Variants in RAB4B observed in about 807,000 individuals in gnomAD.
The protein encoded by RAB4B is RAB4B, member RAS oncogene family.
In RAB4B, 15 loss-of-function variants were observed where a neutral mutation model predicts 28.3. The ratio of observed to expected loss-of-function variants is 0.53; its 90% CI spans 0.35 to 0.82. The LOEUF (loss-of-function observed/expected upper bound fraction) is 0.82. Ranked by LOEUF, RAB4B falls within the 40% of genes least tolerant of loss-of-function variation. RAB4B has a pLI of 0.01. For missense variants in RAB4B, 244 were observed against 288.5 expected, an observed-to-expected ratio of 0.85 and a Z score of 1.12; for synonymous variants, 108 against 116.3, an observed-to-expected ratio of 0.93 and a Z score of 0.46.
intron 3 of RAB4B, among the ~76,000 whole-genome samples, chr19:40,781,312 GAATAAATAAATAAATAAATA>G (rs769534052): frequency 5.7e-4 from 83 of 144,426 alleles, no homozygotes; most frequent in African/African-American, 2.0e-3. Flanking sequence ...ATAAATAAAT[GAATAAATAAATAAATAAATA>G]AATAAATAAA....
rs1307645510 is a variant in RAB4B, at chr19:40,784,083, C to T, written c.430+8C>T. ...GCTTTGCCCAGGAGAATGGTGAGGG[C>T]TGTGTCGTGGACCAGGTGGTGGTGG... is the stretch of plus-strand genomic sequence containing the variant. On this transcript the variant is annotated splice_region_variant and intron_variant, in intron 5 of 7. Coordinates refer to ENST00000357052, the MANE Select transcript of RAB4B (RefSeq NM_016154.5). 1.2e-6 allele frequency: 2 copies of T among 1,601,152 alleles called. No individual in the cohort carries two copies. The highest frequency in any genetic ancestry group is 3.4e-5 in the Admixed American group (2 of 59,378).
intron 5 of RAB4B, chr19:40,785,487 G>A (rs2083090357): frequency 6.6e-6 from 1 of 152,076 alleles, no homozygotes; most frequent in Non-Finnish European, 1.5e-5. Context: ...CTCCAGCCTG[G>A]GGGACAGAGA....
chr19:40,787,939 G>A (rs2083116773), intron 7 of RAB4B, among the ~76,000 whole-genome samples: 1 of 133,216 alleles, frequency 7.5e-6, no homozygotes, highest in South Asian at 2.4e-4. Flanking sequence ...TCCAGCCTGG[G>A]CGACAGAGCA....
intron 7 of RAB4B, among the ~76,000 whole-genome samples, chr19:40,793,131 A>G (rs2083174381): frequency 6.6e-6 from 1 of 151,860 alleles, no homozygotes; most frequent in Non-Finnish European, 1.5e-5. Flanking sequence ...TTTGTACCTT[A>G]TACCTTTGTA....
chr19:40,787,173 C>T (rs901245599), intron 7 of RAB4B, among the ~76,000 whole-genome samples, 195 bp downstream of exon 7: 5 of 139,462 alleles, frequency 3.6e-5, no homozygotes, highest in African/African-American at 8.1e-5. Flanking sequence ...GAGTCCGAGG[C>T]GGGCGGAGGC....
chr19:40,781,919 G>A (rs2083052225), intron 3 of RAB4B, among the ~76,000 whole-genome samples: 1 of 151,628 alleles, frequency 6.6e-6, no homozygotes. Flanking sequence ...TACTTGGGAG[G>A]CTGAGGCAGG....
At chr19:40,791,385 C>A (rs1225590191) in intron 7 of RAB4B, among the ~76,000 whole-genome samples, 4 of 152,092 alleles carry the variant, frequency 2.6e-5, no homozygotes, top group Admixed American at 2.0e-4. Flanking sequence ...CATCTCAGGG[C>A]CCCAGGACAC....
intron 7 of RAB4B, among the ~76,000 whole-genome samples, chr19:40,795,808 C>T (rs28613245): frequency 0.013 from 2,012 of 151,338 alleles, 39 homozygotes; most frequent in African/African-American, 0.047. Flanking sequence ...CCTGGGTTTA[C>T]AAGATTCTCC....
chr19:40,778,324 G>A lies in RAB4B; in HGVS notation c.-52G>A. Reference sequence around the variant, plus strand: ...GAGTGGAGCGGCTGCCAGCCGAGGAGCAGGCGCGGCCGCGGCGCCATATTG... The same window carrying A: ...GAGTGGAGCGGCTGCCAGCCGAGGAACAGGCGCGGCCGCGGCGCCATATTG... On this transcript the variant is annotated 5_prime_UTR_variant, in exon 1 of 8. Coordinates refer to ENST00000357052, the MANE Select transcript of RAB4B (RefSeq NM_016154.5). The A allele has an allele frequency of 1.3e-6, 2 of 1,483,594 alleles. No homozygotes were observed. The highest frequency in any genetic ancestry group is 2.5e-5 in the South Asian group (2 of 79,590). 91.9% of individuals were successfully genotyped at this position (1,483,594 alleles called of 1,614,324 possible).
At chr19:40,784,109 G>T (rs540728918) in intron 5 of RAB4B, 34 bp downstream of exon 5, 53 of 1,579,070 alleles carry the variant, frequency 3.4e-5, no homozygotes, top group Admixed American at 1.4e-4. Flanking sequence ...GTGGTGGTGG[G>T]GGTGGACAGT....
At chr19:40,784,149 A>C in intron 5 of RAB4B, 74 bp downstream of exon 5, 1 of 1,491,144 alleles carries the variant, frequency 6.7e-7, no homozygotes, top group Non-Finnish European at 9.0e-7. Context: ...ACTGGCTCTC[A>C]GTGGCTGTAC....
At chr19:40,781,528 C>A (rs1053959536) in intron 3 of RAB4B, among the ~76,000 whole-genome samples, 3 of 151,918 alleles carry the variant, frequency 2.0e-5, no homozygotes, top group African/African-American at 7.2e-5. Flanking sequence ...ACTGAAGACA[C>A]ACACGCCAAG....
At chr19:40,795,443 G>C (rs993266338) in intron 7 of RAB4B, among the ~76,000 whole-genome samples, 1 of 150,602 alleles carries the variant, frequency 6.6e-6, no homozygotes, top group Non-Finnish European at 1.5e-5. Flanking sequence ...TCTGTTGCCC[G>C]GGCTGGAGTG....
intron 3 of RAB4B, among the ~76,000 whole-genome samples, chr19:40,781,288 GAATAAATA>G (rs145590550): frequency 0.011 from 1,623 of 147,614 alleles, 37 homozygotes; most frequent in African/African-American, 0.039. Context: ...CTCTGTCTCT[GAATAAATA>G]AATAAATAAA....
intron 5 of RAB4B, 32 bp from the exon 6 acceptor site, chr19:40,786,633 G>A: frequency 6.2e-7 from 1 of 1,612,646 alleles, no homozygotes; most frequent in Non-Finnish European, 8.5e-7. Context: ...GGACTAACTG[G>A]GGCCCTGACC....
chr19:40,781,272 G>A (rs2083044668), intron 3 of RAB4B, among the ~76,000 whole-genome samples: 1 of 150,714 alleles, frequency 6.6e-6, no homozygotes, highest in South Asian at 2.1e-4. Context: ...GGGTGACAGA[G>A]CGAGACTCTG....
In RAB4B at chr19:40,784,863, C is replaced by T. The variant is rs1449977188; in HGVS notation, c.430+788C>T. Among the ~76,000 whole-genome samples, 7 of 143,702 alleles carry T rather than the reference C, an allele frequency of 4.9e-5. No individual in the cohort carries two copies. The East Asian group carries it at 8.1e-4, about 17-fold the overall frequency. 94.3% of individuals were successfully genotyped at this position (143,702 alleles called of 152,430 possible). The stretch of plus-strand genomic sequence containing the variant: ...CACTTTTTTTTTTTTTTTTCTGAGA[C>T]GGAGTCTTGTTCTGTTGCCCAGGCT... On this transcript the variant is annotated intron_variant, in intron 5 of 7. Coordinates refer to ENST00000357052, the MANE Select transcript of RAB4B (RefSeq NM_016154.5).
chr19:40,784,133 G>A, intron 5 of RAB4B, 58 bp downstream of exon 5: 1 of 1,518,056 alleles, frequency 6.6e-7, no homozygotes, highest in Non-Finnish European at 8.9e-7. Context: ...CAGGGACCAT[G>A]GGTTTACTGG....
intron 3 of RAB4B, 53 bp downstream of exon 3, chr19:40,780,552 A>C: frequency 6.8e-7 from 1 of 1,475,462 alleles, no homozygotes; most frequent in Non-Finnish European, 9.4e-7. Context: ...AGAAGGAAAG[A>C]GAGAGATGTG....
Sources: allele counts gnomAD v4.1 joint callset (sites outside exome capture counted in the v4.1 genomes callset), GRCh38; gene constraint gnomAD v4.1.1; transcripts MANE v1.5; gene names NCBI Gene and HGNC (gene_info 2026-07-23, HGNC 2026-07-21).